Variants in NLRP13 observed in about 807,000 individuals in gnomAD.
The protein encoded by NLRP13 is NACHT, LRR and PYD domains-containing protein 13.
In NLRP13, 82 loss-of-function variants were observed where a neutral mutation model predicts 94.4. That is an observed-to-expected ratio of 0.87 (90% CI 0.73 to 1.04). The LOEUF (loss-of-function observed/expected upper bound fraction) is 1.04. Among genes scored for constraint, NLRP13 ranks in the 50% least tolerant of loss-of-function variants. The pLI is 0.00. For synonymous variants in NLRP13, 553 were observed against 464.7 expected, an observed-to-expected ratio of 1.19 and a Z score of -2.45; for missense variants, 1,426 against 1,230.8, an observed-to-expected ratio of 1.16 and a Z score of -2.37.
At chr19:55,921,917 T>C (rs976767476) in intron 4 of NLRP13, among the ~76,000 whole-genome samples, 7 of 152,224 alleles carry the variant, frequency 4.6e-5, no homozygotes, top group African/African-American at 1.7e-4. Context: ...TTAATTGGTA[T>C]ATTAGTCTGT....
chr19:55,900,235 GAA>G (rs1986129400), intron 9 of NLRP13, among the ~76,000 whole-genome samples: 1 of 133,052 alleles, frequency 7.5e-6, no homozygotes, highest in Non-Finnish European at 1.6e-5. Context: ...AAAACAAAAT[GAA>G]ACAGGTTAAA....
intron 1 of NLRP13, among the ~76,000 whole-genome samples, chr19:55,930,526 A>C (rs1041873236): frequency 6.6e-6 from 1 of 151,868 alleles, no homozygotes; most frequent in Non-Finnish European, 1.5e-5. Flanking sequence ...TCTCTACTAC[A>C]AATACAAAAA....
At chr19:55,927,427 C>T (rs1986994050) in intron 1 of NLRP13, among the ~76,000 whole-genome samples, 1 of 148,516 alleles carries the variant, frequency 6.7e-6, no homozygotes, top group African/African-American at 2.5e-5. Context: ...GATTATTCTC[C>T]TTTGCCTGTG....
At chr19:55,908,196 C>A (rs1374659383) in intron 6 of NLRP13, among the ~76,000 whole-genome samples, 1 of 152,080 alleles carries the variant, frequency 6.6e-6, no homozygotes, top group Non-Finnish European at 1.5e-5. Context: ...TCCCTCCTTC[C>A]CTCTCCACCT....
intron 6 of NLRP13, among the ~76,000 whole-genome samples, chr19:55,909,290 A>T (rs1986438772): frequency 6.6e-6 from 1 of 152,178 alleles, no homozygotes; most frequent in African/African-American, 2.4e-5. Flanking sequence ...TCCTTGGATC[A>T]TATTAGCAGG....
intron 4 of NLRP13, among the ~76,000 whole-genome samples, chr19:55,919,828 C>T (rs1029781567): frequency 6.6e-6 from 1 of 152,054 alleles, no homozygotes; most frequent in Non-Finnish European, 1.5e-5. Context: ...TTAGAGAAAA[C>T]AATCCTAAAA....
chr19:55,892,025 G>A, downstream of NLRP13: 1 of 1,091,706 alleles, frequency 9.2e-7, no homozygotes, highest in Non-Finnish European at 1.2e-6. Flanking sequence ...TGTCTTCAAG[G>A]TCATTAAAAT....
chr19:55,892,680 C>T (rs938620805), downstream of NLRP13, among the ~76,000 whole-genome samples: 3 of 152,170 alleles, frequency 2.0e-5, no homozygotes, highest in African/African-American at 7.2e-5. Flanking sequence ...CTCGGCCTCC[C>T]AAAGTGCTGG....
chr19:55,899,482 C>T (rs374982277), intron 9 of NLRP13, among the ~76,000 whole-genome samples: 4 of 151,982 alleles, frequency 2.6e-5, no homozygotes, highest in Admixed American at 1.3e-4. Flanking sequence ...ACCCACCCCC[C>T]CCATCCCAAA....
Position 55,899,950 on chromosome 19 carries a change from GTTGT to G in NLRP13, c.2790-1017_2790-1014del, listed in dbSNP as rs1213414176. On this transcript the variant is annotated intron_variant, in intron 9 of 10. Coordinates refer to ENST00000342929, the MANE Select transcript of NLRP13 (RefSeq NM_176810.2). ...CAAAAATCTCAGCAGGAATATAATTGTTGTTTTTTTTTTTTTTTGAGATCTATTC... is the reference window on the plus strand; with the variant it reads ...CAAAAATCTCAGCAGGAATATAATTGTTTTTTTTTTTTTTGAGATCTATTC... Among the ~76,000 whole-genome samples the G allele has an allele frequency of 1.3e-4, 7 of 55,170 alleles. 1 individual carries two copies. In the South Asian group the frequency reaches 3.8e-3, roughly 30 times the overall value. 36.2% of individuals were successfully genotyped at this position (55,170 alleles called of 152,430 possible).
downstream of NLRP13, among the ~76,000 whole-genome samples, chr19:55,895,449 G>A (rs897542043): frequency 6.6e-6 from 1 of 151,988 alleles, no homozygotes; most frequent in Non-Finnish European, 1.5e-5. Flanking sequence ...TTGAGACGCC[G>A]AGGTGGGTGG....
chr19:55,899,729 G>A (rs187422629), intron 9 of NLRP13, among the ~76,000 whole-genome samples: 30 of 152,204 alleles, frequency 2.0e-4, no homozygotes, highest in African/African-American at 6.3e-4. Context: ...GCAGTGAGCC[G>A]AGATTGCACC....
intron 9 of NLRP13, among the ~76,000 whole-genome samples, 160 bp from the exon 10 acceptor site, chr19:55,899,097 A>T (rs948012583): frequency 8.6e-5 from 13 of 152,040 alleles, no homozygotes; most frequent in Non-Finnish European, 1.2e-4. Context: ...GAGGGCCGAG[A>T]CACCTCCAGG....
chr19:55,930,600 C>T lies in NLRP13; in HGVS notation c.319+1393G>A, dbSNP rs557827374. Among the ~76,000 whole-genome samples, 12 of 149,954 alleles carry T rather than the reference C, an allele frequency of 8.0e-5. 1 individual carries two copies. In the South Asian group the frequency reaches 2.5e-3, roughly 32 times the overall value. On this transcript the variant is annotated intron_variant, in intron 1 of 10. Transcript: ENST00000342929. The stretch of plus-strand genomic sequence containing the variant: ...ACTCGGGAGGCTGAGGCAGGAGAAT[C>T]CCTTGAACCCAGGAGGCGGAGAGTG...
At chr19:55,907,992 G>A in intron 6 of NLRP13, 36 bp from the exon 7 acceptor site, 4 of 1,562,384 alleles carry the variant, frequency 2.6e-6, no homozygotes, top group Non-Finnish European at 3.5e-6. Context: ...CTGGATTGGG[G>A]GAGAAGACTG....
chr19:55,919,218 T>G (rs879916913), intron 4 of NLRP13, among the ~76,000 whole-genome samples: 1 of 152,066 alleles, frequency 6.6e-6, no homozygotes. Context: ...AAGGAACATA[T>G]GTCAAACTAA....
intron 8 of NLRP13, among the ~76,000 whole-genome samples, chr19:55,904,513 A>G (rs1204279115): frequency 6.6e-6 from 1 of 152,196 alleles, no homozygotes; most frequent in African/African-American, 2.4e-5. Flanking sequence ...CTGCTGGGAA[A>G]TCAACCCCAT....
Position 55,898,906 on chromosome 19 carries a change from A to G in NLRP13, c.2821T>C (p.Cys941Arg), listed in dbSNP as rs138136369. Reference protein sequence around the residue: ...LSGCSFTREGCGELANALSHN... With the variant: ...LSGCSFTREGRGELANALSHN... ...CTGAGGGCATTAGCCAGCTCTCCAC[A>G]GCCCTCTCTTGTGAAAGAACAACCT... The change falls in exon 10 of 11, where the codon TGT becomes CGT. Residue 941 changes from cysteine (C) to arginine (R), a missense_variant. Physicochemically the swap from Cys to Arg is radical, Grantham distance 180. Coordinates refer to ENST00000342929, the MANE Select transcript of NLRP13 (RefSeq NM_176810.2). The G allele has an allele frequency of 1.1e-5, 17 of 1,606,868 alleles. No individual in the cohort carries two copies. In the African/African-American group the frequency reaches 2.3e-4, roughly 22 times the overall value.
At position 55,905,068 on chromosome 19, in the gene NLRP13, G is replaced by T; in HGVS notation, c.2492C>A (p.Ala831Asp). 6.2e-7 allele frequency: 1 copy of T among 1,613,728 alleles called. No homozygotes were observed. Residue 831 changes from alanine (A) to aspartate (D), a missense_variant, in exon 8 of 11, where the codon GCC becomes GAC. Transcript: ENST00000342929. The stretch of plus-strand genomic sequence containing the variant: ...GTGTTGGATGCTGGTGAGAAACAAG[G>T]CTAGGTCCTGACAGCTGGCTGCCGA... ...NLSAASCQDL[A>D]LFLTSIQHVT...
Sources: gnomAD v4.1 joint callset for allele counts (sites outside exome capture counted in the v4.1 genomes callset) on GRCh38, gnomAD v4.1.1 for gene constraint, MANE v1.5 for transcripts, NCBI Gene and HGNC (gene_info 2026-07-23, HGNC 2026-07-21) for gene names.